Variants in SUGCT observed in about 807,000 individuals in gnomAD.
The protein encoded by SUGCT is succinyl-CoA:glutarate-CoA transferase.
Under a neutral mutation model 55.0 loss-of-function variants are expected in SUGCT, and 41 were observed. The observed-to-expected ratio is 0.74, with a 90% CI of 0.58 to 0.97. The LOEUF (loss-of-function observed/expected upper bound fraction) is 0.97. Ranked by LOEUF, SUGCT falls within the 50% of genes least tolerant of loss-of-function variation. The pLI is 0.00. For missense variants in SUGCT, 568 were observed against 547.8 expected (o/e 1.04, Z -0.37); for synonymous variants, 187 against 200.4 (o/e 0.93, Z 0.56).
intron 13 of SUGCT, among the ~76,000 whole-genome samples, chr7:40,755,166 A>G (rs10274943): frequency 6.6e-6 from 1 of 152,140 alleles, no homozygotes; most frequent in African/African-American, 2.4e-5. Flanking sequence ...AAATTCAAAG[A>G]TATCTATGCT....
At chr7:41,006,839 G>C in the SUGCT span, among the ~76,000 whole-genome samples, 2 of 152,218 alleles carry the variant, frequency 1.3e-5, no homozygotes, top group South Asian at 4.2e-4. Flanking sequence ...TGCATCATTT[G>C]GCAGTCATTG....
intron 12 of SUGCT, among the ~76,000 whole-genome samples, chr7:40,724,724 G>GTA (rs1245628870): frequency 8.7e-5 from 13 of 149,796 alleles, no homozygotes; most frequent in Non-Finnish European, 5.9e-5. Context: ...TTAAATATAT[G>GTA]TATATATAAA....
the SUGCT span, among the ~76,000 whole-genome samples, chr7:41,030,396 T>TCA: frequency 6.6e-6 from 1 of 152,232 alleles, no homozygotes; most frequent in Non-Finnish European, 1.5e-5. Context: ...CTTTAGGAGT[T>TCA]CATTTAACCC....
At chr7:40,979,331 G>A in the SUGCT span, 3 of 152,336 alleles carry the variant, frequency 2.0e-5, no homozygotes, top group South Asian at 4.1e-4. Flanking sequence ...CATAGTGTAC[G>A]TGTTAATCTA....
chr7:40,289,200 T>A (rs935378406), intron 8 of SUGCT, among the ~76,000 whole-genome samples: 1 of 151,954 alleles, frequency 6.6e-6, no homozygotes, highest in Admixed American at 6.6e-5. Flanking sequence ...GGATTATCCA[T>A]GTGGGCCTAA....
At chr7:40,541,464 G>A (rs138805512) in intron 12 of SUGCT, among the ~76,000 whole-genome samples, 1 of 152,312 alleles carries the variant, frequency 6.6e-6, no homozygotes, top group East Asian at 1.9e-4. Flanking sequence ...GGTCAGATAT[G>A]AACATATTCA....
At chr7:40,769,094 G>A (rs1259639655) in intron 13 of SUGCT, among the ~76,000 whole-genome samples, 3 of 146,838 alleles carry the variant, frequency 2.0e-5, no homozygotes, top group Non-Finnish European at 4.5e-5. Context: ...TACATGGGGA[G>A]CAGTAAAAAA....
intron 12 of SUGCT, among the ~76,000 whole-genome samples, chr7:40,600,046 G>C (rs1798214918): frequency 6.6e-6 from 1 of 152,156 alleles, no homozygotes; most frequent in Admixed American, 6.5e-5. Flanking sequence ...AACATTTCTT[G>C]TGCCCGTCAG....
At chr7:40,591,125 TA>T (rs1401652703) in intron 12 of SUGCT, among the ~76,000 whole-genome samples, 11 of 152,152 alleles carry the variant, frequency 7.2e-5, no homozygotes, top group African/African-American at 2.7e-4. Flanking sequence ...CAAAAGAAAT[TA>T]AAAACCTTCT....
chr7:40,164,073 G>GC (rs71560175), intron 1 of SUGCT, among the ~76,000 whole-genome samples: 6 of 151,258 alleles, frequency 4.0e-5, no homozygotes, highest in African/African-American at 7.3e-5. Context: ...GTCCACCTCG[G>GC]CCCCCCAAAG....
chr7:40,966,469 G>T, the SUGCT span: 2 of 152,170 alleles, frequency 1.3e-5, no homozygotes, highest in Admixed American at 1.3e-4. Context: ...TTCATATGCT[G>T]GGAATAAATT....
At chr7:40,521,229 T>A (rs1047143111) in intron 12 of SUGCT, among the ~76,000 whole-genome samples, 2 of 152,160 alleles carry the variant, frequency 1.3e-5, no homozygotes, top group African/African-American at 4.8e-5. Flanking sequence ...CGTGTGATGC[T>A]GTTCTCATGA....
the SUGCT span, among the ~76,000 whole-genome samples, chr7:40,911,565 C>T: frequency 3.4e-5 from 3 of 89,306 alleles, no homozygotes; most frequent in African/African-American, 4.8e-5. Context: ...GAGACCCTGT[C>T]TCAAAAAAAA....
At chr7:40,435,703 T>C (rs1172367326) in intron 9 of SUGCT, among the ~76,000 whole-genome samples, 1 of 152,136 alleles carries the variant, frequency 6.6e-6, no homozygotes, top group African/African-American at 2.4e-5. Flanking sequence ...GAGTTTCTCA[T>C]TGAGTTAACT....
At chr7:40,387,329 C>T (rs1420598626) in intron 9 of SUGCT, among the ~76,000 whole-genome samples, 1 of 152,082 alleles carries the variant, frequency 6.6e-6, no homozygotes, top group Non-Finnish European at 1.5e-5. Flanking sequence ...AACTAGAGCT[C>T]TGTAACTTGG....
At chr7:41,007,350 C>A in the SUGCT span, among the ~76,000 whole-genome samples, 1 of 152,092 alleles carries the variant, frequency 6.6e-6, no homozygotes, top group Admixed American at 6.6e-5. Flanking sequence ...CATTTTACAA[C>A]AAGTCGAGGC....
At chr7:40,770,163 T>C (rs1789019262) in intron 13 of SUGCT, among the ~76,000 whole-genome samples, 1 of 152,220 alleles carries the variant, frequency 6.6e-6, no homozygotes. Flanking sequence ...GTCTCTGTTA[T>C]TTTGCATGTA....
chr7:40,371,426 T>A (rs1398120822), intron 9 of SUGCT, among the ~76,000 whole-genome samples: 1 of 152,182 alleles, frequency 6.6e-6, no homozygotes, highest in Admixed American at 6.6e-5. Flanking sequence ...GACTGTGTAA[T>A]AGAAAATTGG....
chr7:40,685,995 C>T (rs1455052976), intron 12 of SUGCT, among the ~76,000 whole-genome samples: 1 of 152,132 alleles, frequency 6.6e-6, no homozygotes, highest in Admixed American at 6.6e-5. Flanking sequence ...TCTTTTAGTT[C>T]TGTAATTCTA....
Sources: gnomAD v4.1 joint callset for allele counts (sites outside exome capture counted in the v4.1 genomes callset) on GRCh38, gnomAD v4.1.1 for gene constraint, MANE v1.5 for transcripts, NCBI Gene and HGNC (gene_info 2026-07-23, HGNC 2026-07-21) for gene names.